The following NOX4 variants were observed in gnomAD, a reference collection of about 807,000 sequenced individuals.
NOX4 encodes kidney oxidase-1.
In NOX4, 69 loss-of-function variants were observed where a neutral mutation model predicts 87.6. The observed-to-expected ratio is 0.79, with a 90% CI of 0.65 to 0.96. NOX4 has a LOEUF of 0.96. NOX4 is among the 40% of genes least tolerant of loss of function. The pLI is 0.00. For missense variants in NOX4, 680 were observed against 681.5 expected (o/e 1.00, Z 0.02); for synonymous variants, 275 against 238.2 (o/e 1.15, Z -1.42).
chr11:89,381,997 C>G (rs564428843), intron 11 of NOX4, among the ~76,000 whole-genome samples: 1 of 152,280 alleles, frequency 6.6e-6, no homozygotes, highest in East Asian at 1.9e-4. Context: ...GCACCAGTCA[C>G]GGACTCGGCA....
chr11:89,581,237 G>T, the NOX4 span, among the ~76,000 whole-genome samples: 2 of 152,110 alleles, frequency 1.3e-5, no homozygotes, highest in African/African-American at 4.8e-5. Context: ...ATATTAAAAC[G>T]ATTAAGAGTT....
chr11:89,431,216 A>C (rs1021313441), intron 7 of NOX4, among the ~76,000 whole-genome samples: 1 of 152,226 alleles, frequency 6.6e-6, no homozygotes, highest in African/African-American at 2.4e-5. Context: ...AAGATGGATT[A>C]AAGACTTAAA....
At chr11:89,327,689 T>G (rs1002862348) in intron 17 of NOX4, among the ~76,000 whole-genome samples, 2 of 152,162 alleles carry the variant, frequency 1.3e-5, no homozygotes, top group Non-Finnish European at 2.9e-5. Flanking sequence ...TATGTCTTAA[T>G]TATGTCAGAA....
At chr11:89,392,507 C>T (rs555872175) in intron 11 of NOX4, among the ~76,000 whole-genome samples, 1 of 152,140 alleles carries the variant, frequency 6.6e-6, no homozygotes, top group East Asian at 1.9e-4. Context: ...TCTCCAAGAA[C>T]AATGTACTGT....
At chr11:89,482,882 G>A (rs2135475706) in intron 2 of NOX4, among the ~76,000 whole-genome samples, 1 of 152,170 alleles carries the variant, frequency 6.6e-6, no homozygotes, top group Non-Finnish European at 1.5e-5. Flanking sequence ...GAGAATTGCA[G>A]GTTCTAACAC....
At chr11:89,399,126 TATAATA>T (rs976893389) in intron 11 of NOX4, among the ~76,000 whole-genome samples, 2 of 151,780 alleles carry the variant, frequency 1.3e-5, no homozygotes, top group Non-Finnish European at 2.9e-5. Flanking sequence ...TTTTTATAAT[TATAATA>T]ATATTAAATG....
intron 11 of NOX4, among the ~76,000 whole-genome samples, chr11:89,378,398 A>C (rs1191800202): frequency 6.6e-6 from 1 of 152,094 alleles, no homozygotes; most frequent in Non-Finnish European, 1.5e-5. Flanking sequence ...AAGATATCCT[A>C]ATTTTTCTTG....
At chr11:89,339,257 C>A (rs1945866814) in intron 15 of NOX4, among the ~76,000 whole-genome samples, 2 of 152,112 alleles carry the variant, frequency 1.3e-5, no homozygotes, top group Non-Finnish European at 2.9e-5. Context: ...GGTCTATCAT[C>A]TCTAACTGTT....
At chr11:89,347,502 T>C (rs1443803428) in intron 13 of NOX4, among the ~76,000 whole-genome samples, 3 of 152,210 alleles carry the variant, frequency 2.0e-5, no homozygotes, top group African/African-American at 7.2e-5. Flanking sequence ...GTGTCATGCA[T>C]TGGGCATTCC....
chr11:89,400,260 C>T lies in NOX4; in HGVS notation c.966G>A (p.Met322Ile), dbSNP rs772343013. 8.7e-6 allele frequency: 14 copies of T among 1,612,878 alleles called. 1 individual carries two copies. The South Asian group carries it at 1.3e-4, about 15-fold the overall frequency. ...AATTTTCTTTGACCATTCGGATTTC[C>T]ATGACATCTGAGGGATGACTCATGA... ...ISVMSHPSDV[M>I]EIRMVKENFK... The change falls in exon 10 of 18, where the codon ATG (methionine) becomes ATA (isoleucine). Residue 322 changes from methionine (M) to isoleucine (I), a missense_variant. By Grantham distance (10) the Met-to-Ile change is conservative. Transcript: ENST00000263317.
intron 11 of NOX4, among the ~76,000 whole-genome samples, chr11:89,394,656 C>T (rs1941353248): frequency 6.6e-6 from 1 of 152,062 alleles, no homozygotes; most frequent in African/African-American, 2.4e-5. Context: ...TCCCCTAGCC[C>T]CCCACCCCAT....
intron 4 of NOX4, among the ~76,000 whole-genome samples, chr11:89,444,524 TAC>T (rs35340897): frequency 0.56 from 81,331 of 144,618 alleles, 22,359 homozygotes; most frequent in East Asian, 0.67. Context: ...CTAACACACA[TAC>T]ACACACACAC....
At chr11:89,549,388 TTG>T in the NOX4 span, among the ~76,000 whole-genome samples, 1 of 152,222 alleles carries the variant, frequency 6.6e-6, no homozygotes, top group East Asian at 1.9e-4. Context: ...GTGACACGTC[TTG>T]TTTCCTTCAA....
chr11:89,576,559 C>T, the NOX4 span, among the ~76,000 whole-genome samples: 1 of 152,142 alleles, frequency 6.6e-6, no homozygotes, highest in Non-Finnish European at 1.5e-5. Context: ...CTTATGATAA[C>T]TGTCTGCTCA....
chr11:89,587,926 G>T, the NOX4 span, among the ~76,000 whole-genome samples: 1 of 152,054 alleles, frequency 6.6e-6, no homozygotes, highest in Non-Finnish European at 1.5e-5. Flanking sequence ...ACAATAATCA[G>T]TAACTTTATG....
At chr11:89,406,067 C>T (rs2135204193) in intron 8 of NOX4, among the ~76,000 whole-genome samples, 1 of 152,168 alleles carries the variant, frequency 6.6e-6, no homozygotes, top group African/African-American at 2.4e-5. Flanking sequence ...ATTTTTCAAG[C>T]TCAATTGAAT....
intron 4 of NOX4, among the ~76,000 whole-genome samples, chr11:89,448,877 T>C (rs117107682): frequency 0.013 from 2,012 of 152,050 alleles, 24 homozygotes; most frequent in Middle Eastern, 0.024. Context: ...TGCCAGGCCC[T>C]GTTTCAAAAA....
chr11:89,382,902 A>G (rs1455910279), intron 11 of NOX4, among the ~76,000 whole-genome samples: 1 of 152,020 alleles, frequency 6.6e-6, no homozygotes, highest in East Asian at 1.9e-4. Context: ...GCTCTTTTTC[A>G]TCAAATATAA....
intron 12 of NOX4, among the ~76,000 whole-genome samples, chr11:89,373,047 C>G (rs997788157): frequency 6.6e-6 from 1 of 151,664 alleles, no homozygotes; most frequent in Non-Finnish European, 1.5e-5. Context: ...CATGCAAGAA[C>G]TGGAAGATTT....
Sources: allele counts gnomAD v4.1 joint callset (sites outside exome capture counted in the v4.1 genomes callset), GRCh38; gene constraint gnomAD v4.1.1; transcripts MANE v1.5; gene names NCBI Gene and HGNC (gene_info 2026-07-23, HGNC 2026-07-21).